Variants in GRIA4 observed in about 807,000 individuals in gnomAD.
The protein encoded by GRIA4 is glutamate ionotropic receptor AMPA type subunit 4.
A neutral mutation model predicts 104.0 loss-of-function variants in GRIA4; 34 were observed. The observed-to-expected ratio is 0.33, with a 90% CI of 0.25 to 0.44. GRIA4 has a LOEUF of 0.44. Among genes scored for constraint, GRIA4 ranks in the 20% least tolerant of loss-of-function variants. GRIA4 has a pLI of 1.00. For missense variants in GRIA4, 750 were observed against 1,096.5 expected, an observed-to-expected ratio of 0.68 and a Z score of 4.46; for synonymous variants, 386 against 381.9, an observed-to-expected ratio of 1.01 and a Z score of -0.13.
rs1164024176 is a variant in GRIA4 at position 105,817,010 on chromosome 11, CAG to C, written c.488-45011_488-45010del. Among the ~76,000 whole-genome samples the C allele has an allele frequency of 3.6e-4, 54 of 150,070 alleles. 1 individual carries two copies. Among genetic ancestry groups the C allele is most frequent in the Non-Finnish European group, 7.4e-5 (5 of 67,594 alleles). ...ATTCCAGCCTGGGTAACAAGTGAAACAGAGTGAAACCCTGTCTCTTTAAAAAC... is the reference window on the plus strand; with the variant it reads ...ATTCCAGCCTGGGTAACAAGTGAAACAGTGAAACCCTGTCTCTTTAAAAAC... On this transcript the variant is annotated intron_variant, in intron 4 of 16. Transcript: ENST00000282499.
At chr11:105,968,286 C>A (rs1858497726) in intron 14 of GRIA4, among the ~76,000 whole-genome samples, 1 of 152,236 alleles carries the variant, frequency 6.6e-6, no homozygotes. Flanking sequence ...CCTCTCCAGC[C>A]TTCCATTCAG....
At chr11:105,972,473 T>C (rs951336642) in intron 15 of GRIA4, among the ~76,000 whole-genome samples, 5 of 152,104 alleles carry the variant, frequency 3.3e-5, no homozygotes, top group African/African-American at 1.2e-4. Context: ...GTTCAGTCTT[T>C]TGTCACCATA....
At chr11:105,853,388 G>A (rs1659155652) in intron 4 of GRIA4, among the ~76,000 whole-genome samples, 2 of 152,072 alleles carry the variant, frequency 1.3e-5, no homozygotes, top group Admixed American at 6.6e-5. Flanking sequence ...GGCTACCTTA[G>A]GATATCTCTA....
chr11:105,724,594 A>G (rs1938070484), intron 3 of GRIA4, among the ~76,000 whole-genome samples: 1 of 152,106 alleles, frequency 6.6e-6, no homozygotes, highest in Non-Finnish European at 1.5e-5. Context: ...GTGTGTATAC[A>G]TGGACATAGA....
chr11:105,857,227 G>A (rs759860733), intron 4 of GRIA4, among the ~76,000 whole-genome samples: 2 of 152,072 alleles, frequency 1.3e-5, no homozygotes, highest in Non-Finnish European at 2.9e-5. Flanking sequence ...ATTAAATGCA[G>A]TGAGGATTAC....
At chr11:105,760,303 C>T (rs1402158819) in intron 4 of GRIA4, among the ~76,000 whole-genome samples, 5 of 152,086 alleles carry the variant, frequency 3.3e-5, no homozygotes, top group Non-Finnish European at 5.9e-5. Flanking sequence ...TAAAAATATC[C>T]TAAATGCATT....
At chr11:105,946,364 C>T (rs147079967) in intron 14 of GRIA4, among the ~76,000 whole-genome samples, 1 of 152,264 alleles carries the variant, frequency 6.6e-6, no homozygotes, top group Non-Finnish European at 1.5e-5. Flanking sequence ...AGGTGGATTT[C>T]TTGAGCCCAG....
intron 4 of GRIA4, among the ~76,000 whole-genome samples, chr11:105,844,731 T>C (rs1944520713): frequency 6.6e-6 from 1 of 152,228 alleles, no homozygotes; most frequent in Non-Finnish European, 1.5e-5. Flanking sequence ...CTATCCAGAC[T>C]TTATTACTGC....
chr11:105,979,558 C>T lies in GRIA4; in HGVS notation c.2545-17C>T, dbSNP rs768398713. The stretch of plus-strand genomic sequence containing the variant: ...TAACACTCCGCGTTCTTTCTGCTTC[C>T]TTTCCATGCAACCCAGCTGACCTTT... On this transcript the variant is annotated splice_polypyrimidine_tract_variant and intron_variant, in intron 16 of 16. Coordinates refer to ENST00000282499, the MANE Select transcript of GRIA4 (RefSeq NM_000829.4). 6.2e-7 allele frequency: 1 copy of T among 1,612,122 alleles called. No homozygotes were observed.
intron 3 of GRIA4, among the ~76,000 whole-genome samples, chr11:105,690,550 A>C (rs193029398): frequency 1.3e-5 from 2 of 152,332 alleles, no homozygotes; most frequent in Admixed American, 1.3e-4. Context: ...GGGGCTGTTG[A>C]CATAGAAAAG....
At chr11:105,787,869 G>A (rs1287851594) in intron 4 of GRIA4, among the ~76,000 whole-genome samples, 1 of 151,804 alleles carries the variant, frequency 6.6e-6, no homozygotes, top group East Asian at 1.9e-4. Context: ...TTAGTTTTTG[G>A]GTTGTTTTAT....
intron 3 of GRIA4, among the ~76,000 whole-genome samples, chr11:105,669,288 CCA>C (rs1417125302): frequency 6.6e-6 from 1 of 151,864 alleles, no homozygotes; most frequent in African/African-American, 2.4e-5. Context: ...TCTCTCCACA[CCA>C]CAGTTAAAAT....
chr11:105,821,223 A>G (rs2135902608), intron 4 of GRIA4, among the ~76,000 whole-genome samples: 1 of 152,298 alleles, frequency 6.6e-6, no homozygotes, highest in African/African-American at 2.4e-5. Context: ...TAACAACAAT[A>G]TAGGAAAACA....
At chr11:105,720,063 C>T (rs1190466164) in intron 3 of GRIA4, among the ~76,000 whole-genome samples, 1 of 151,304 alleles carries the variant, frequency 6.6e-6, no homozygotes, top group Non-Finnish European at 1.5e-5. Flanking sequence ...TTCTGCTTGT[C>T]TGCATTCAAG....
chr11:105,658,779 T>C (rs1951918242), intron 3 of GRIA4, among the ~76,000 whole-genome samples: 1 of 151,912 alleles, frequency 6.6e-6, no homozygotes, highest in African/African-American at 2.4e-5. Context: ...TTCTAAGAGA[T>C]GTTATTTGTG....
rs1947473995 is a variant in GRIA4 at position 105,918,598 on chromosome 11, A to G, written c.1270-114A>G. On this transcript the variant is annotated intron_variant, in intron 10 of 16. Coordinates refer to ENST00000282499, the MANE Select transcript of GRIA4 (RefSeq NM_000829.4). ...TGACTTCTAGCTACACCAAATCAGT[A>G]TGTGTACCAATACTAAATACAATCT... 7 of 616,096 alleles carry G rather than the reference A, an allele frequency of 1.1e-5. No individual in the cohort carries two copies. In the South Asian group the frequency reaches 1.2e-4, roughly 10 times the overall value. The allele number at this position is 616,096 out of a possible 1,614,324, so 38.2% of individuals were successfully genotyped here.
At chr11:105,833,033 T>C (rs754058458) in intron 4 of GRIA4, among the ~76,000 whole-genome samples, 25 of 152,046 alleles carry the variant, frequency 1.6e-4, no homozygotes, top group Non-Finnish European at 3.7e-4. Context: ...TAATTTATCA[T>C]TACTGTTTCC....
At chr11:105,961,580 AT>A (rs1269544123) in intron 14 of GRIA4, among the ~76,000 whole-genome samples, 1 of 152,094 alleles carries the variant, frequency 6.6e-6, no homozygotes, top group Non-Finnish European at 1.5e-5. Flanking sequence ...TGGATTTCAG[AT>A]TTTTTTGGAT....
At chr11:105,867,687 G>GCAAAA (rs1945474481) in intron 5 of GRIA4, among the ~76,000 whole-genome samples, 1 of 151,752 alleles carries the variant, frequency 6.6e-6, no homozygotes, top group Admixed American at 6.6e-5. Context: ...AAGCCAAAAA[G>GCAAAA]CAAAACAAAA....
Sources: allele counts gnomAD v4.1 joint callset (sites outside exome capture counted in the v4.1 genomes callset), GRCh38; gene constraint gnomAD v4.1.1; transcripts MANE v1.5; gene names NCBI Gene and HGNC (gene_info 2026-07-23, HGNC 2026-07-21).